Variants in ARHGEF15 observed in about 807,000 individuals in gnomAD.
ARHGEF15 encodes the protein Rho guanine nucleotide exchange factor (GEF) 15.
A neutral mutation model predicts 79.7 loss-of-function variants in ARHGEF15; 58 were observed. The ratio of observed to expected loss-of-function variants is 0.73; its 90% CI spans 0.59 to 0.91. The LOEUF is 0.91. Among genes scored for constraint, ARHGEF15 ranks in the 40% least tolerant of loss-of-function variants. The probability of loss-of-function intolerance (pLI) is 0.00; values close to 1 mark genes in which losing one functional copy is unlikely to be tolerated. For synonymous variants in ARHGEF15, 442 were observed against 456.0 expected, an observed-to-expected ratio of 0.97 and a Z score of 0.39; for missense variants, 1,012 against 1,108.1, an observed-to-expected ratio of 0.91 and a Z score of 1.23.
intron 9 of ARHGEF15, 96 bp downstream of exon 9, chr17:8,316,244 T>C: frequency 2.0e-6 from 3 of 1,476,150 alleles, no homozygotes; most frequent in Non-Finnish European, 2.7e-6. Flanking sequence ...CATGCACTAC[T>C]CCACCTTAAA....
rs772831168 is a variant in ARHGEF15 at position 8,319,047 on chromosome 17, C to A, written c.2074C>A (p.Leu692Met). 1.2e-6 allele frequency: 2 copies of A among 1,614,016 alleles called. No individual in the cohort carries two copies. The highest frequency in any genetic ancestry group is 2.2e-5 in the South Asian group (2 of 91,084). ...GGTTCTGGACTATGCCCATCGCTCCCTGGTCCAGGCCCAGCAGGTTCCGGA... is the reference window on the plus strand; with the variant it reads ...GGTTCTGGACTATGCCCATCGCTCCATGGTCCAGGCCCAGCAGGTTCCGGA... ...LQVLDYAHRS[L>M]VQAQQVPDPS... The change falls in exon 13 of 16, where the codon CTG (leucine) becomes ATG (methionine). Residue 692 changes from leucine to methionine, a missense_variant. Around this residue, in one of 3 missense-constraint regions of ARHGEF15, gnomAD observed 62 missense variants for 101.3 expected, o/e 0.61. Coordinates refer to ENST00000361926, the MANE Select transcript of ARHGEF15 (RefSeq NM_173728.4).
chr17:8,318,717 G>T lies in ARHGEF15; in HGVS notation c.1873-33G>T, dbSNP rs770241353. The stretch of plus-strand genomic sequence containing the variant: ...CCCTGCCCCATGTTGCTGCTGCCAC[G>T]CTAGAACCTCCTCTGCCTCCGCTTC... On this transcript the variant is annotated intron_variant, in intron 11 of 15. Transcript: ENST00000361926. This position sits in a 1 kb window ranked among gnomAD's most constrained non-coding sequence, Gnocchi z 5.0. 2 of 1,610,578 alleles carry T rather than the reference G, an allele frequency of 1.2e-6. No individual in the cohort carries two copies. Among genetic ancestry groups the T allele is most frequent in the Admixed American group, 1.7e-5 (1 of 59,828 alleles).
Position 8,312,917 on chromosome 17 carries a change from C to T in ARHGEF15, c.602-5C>T, listed in dbSNP as rs375330058. 6.4e-7 allele frequency: 1 copy of T among 1,569,962 alleles called. No individual in the cohort carries two copies. Among genetic ancestry groups the T allele is most frequent in the Non-Finnish European group, 8.6e-7 (1 of 1,159,830 alleles). On this transcript the variant is annotated splice_region_variant and splice_polypyrimidine_tract_variant and intron_variant, in intron 2 of 15. Coordinates refer to ENST00000361926, the MANE Select transcript of ARHGEF15 (RefSeq NM_173728.4). Reference sequence around the variant, plus strand: ...CTTTCTCCTTAGGCTACCTGTCTCCCACAGATGCTGGCCTGGCCTGCCCTC... The same window carrying T: ...CTTTCTCCTTAGGCTACCTGTCTCCTACAGATGCTGGCCTGGCCTGCCCTC...
Position 8,313,001 on chromosome 17 carries a change from T to A in ARHGEF15, c.681T>A (p.Pro227=). ...CTGGCCTGGAGCTCAGATGGGTGCC[T>A]GTGGGGGGCTATGAGGAGGTCCCCA... ...TRPGLELRWV[P]VGGYEEVPRV... Residue 227 remains proline (P), a synonymous_variant, in exon 3 of 16, where the codon CCT becomes CCA. Transcript: ENST00000361926. 1.2e-6 allele frequency: 2 copies of A among 1,611,128 alleles called. No individual in the cohort carries two copies. Among genetic ancestry groups the A allele is most frequent in the Non-Finnish European group, 1.7e-6 (2 of 1,178,410 alleles).
In ARHGEF15 at chr17:8,315,905, C is replaced by A; in HGVS notation, c.1572C>A (p.Leu524=). Residue 524 remains leucine, a splice_region_variant and synonymous_variant, in exon 8 of 16, where the codon CTC becomes CTA. Coordinates refer to ENST00000361926, the MANE Select transcript of ARHGEF15 (RefSeq NM_173728.4). The surrounding 1 kb of genome is among the most constrained non-coding windows in gnomAD (Gnocchi z 4.3). ...QQYQEETYSR[L]MDTNVRFSAE... ...ATCAGGAGGAGACCTACAGCCGCCT[C>A]ATGTGAGTGTCCCAGGGGTGGGGAG... 1.2e-6 allele frequency: 2 copies of A among 1,608,788 alleles called. No homozygotes were observed. Among genetic ancestry groups the A allele is most frequent in the Non-Finnish European group, 1.7e-6 (2 of 1,179,930 alleles).
intron 4 of ARHGEF15, 171 bp downstream of exon 4, chr17:8,313,726 T>C: frequency 1.7e-6 from 1 of 600,738 alleles, no homozygotes; most frequent in Non-Finnish European, 2.8e-6. Context: ...CTGGCCCTTA[T>C]CAATTCTGTG....
rs771555022 is a variant in ARHGEF15 at position 8,318,818 on chromosome 17, G to T, written c.1941G>T (p.Arg647=). 4 of 1,613,674 alleles carry T rather than the reference G, an allele frequency of 2.5e-6. No individual in the cohort carries two copies. In the South Asian group the frequency reaches 3.3e-5, roughly 13 times the overall value. ...GAGAGCTGACTGAGTTAGGGTGCCG[G>T]AGGGGGGGCGTGCTCTTTGCCTCGC... ...FQGELTELGC[R]RGGVLFASRP... Residue 647 remains arginine, a synonymous_variant, in exon 12 of 16, where the codon CGG becomes CGT. Coordinates refer to ENST00000361926, the MANE Select transcript of ARHGEF15 (RefSeq NM_173728.4). This position sits in a 1 kb window ranked among gnomAD's most constrained non-coding sequence, Gnocchi z 5.0.
In ARHGEF15 at chr17:8,317,929, C is replaced by T. The variant is rs1340167610; in HGVS notation, c.1705-458C>T. Among the ~76,000 whole-genome samples the T allele has an allele frequency of 5.9e-5, 9 of 151,890 alleles. No individual in the cohort carries two copies. The East Asian group carries it at 9.6e-4, about 16-fold the overall frequency. ...TAAAAATACAAAAAAATTAGTCGGG[C>T]GTGGTGGCACACGTCTGTAATCCCA... On this transcript the variant is annotated intron_variant, in intron 9 of 15. Coordinates refer to ENST00000361926, the MANE Select transcript of ARHGEF15 (RefSeq NM_173728.4).
chr17:8,314,975 C>T lies in ARHGEF15; in HGVS notation c.1048+11C>T. On this transcript the variant is annotated intron_variant, in intron 5 of 15. Transcript: ENST00000361926. ...TGCCCCTGCAGGATGGTGAGGGCCTCTGGACCTGAGGGTCCCTGCTGTGAC... is the reference window on the plus strand; with the variant it reads ...TGCCCCTGCAGGATGGTGAGGGCCTTTGGACCTGAGGGTCCCTGCTGTGAC... The T allele has an allele frequency of 6.2e-7, 1 of 1,614,052 alleles. No homozygotes were observed. Among genetic ancestry groups the T allele is most frequent in the African/African-American group, 1.3e-5 (1 of 75,038 alleles).
In ARHGEF15 at chr17:8,313,530, A is replaced by T; in HGVS notation, c.964A>T (p.Thr322Ser). 1 of 1,610,268 alleles carries T rather than the reference A, an allele frequency of 6.2e-7. No individual in the cohort carries two copies. Among genetic ancestry groups the T allele is most frequent in the Non-Finnish European group, 8.5e-7 (1 of 1,178,776 alleles). Reference protein sequence around the residue: ...GDSPDEAPQNTPPATVEGREE... With the variant: ...GDSPDEAPQNSPPATVEGREE... ...CAGTCCTGATGAAGCTCCTCAGAAT[A>T]CTCCTCCAGCAACTGTGGAGGGGAG... The change falls in exon 4 of 16, where the codon ACT (threonine) becomes TCT (serine). Residue 322 changes from threonine to serine, a missense_variant. By Grantham distance (58) the Thr-to-Ser change is moderately conservative. Transcript: ENST00000361926.
Position 8,318,275 on chromosome 17 carries a change from T to C in ARHGEF15, c.1705-112T>C, listed in dbSNP as rs1000806593. ...TCTGCAGATGGTGAGTGATGAGGTC[T>C]GTCAGCCTTGTTGAAACTGGCTGAA... On this transcript the variant is annotated intron_variant, in intron 9 of 15. Transcript: ENST00000361926. This position sits in a 1 kb window ranked among gnomAD's most constrained non-coding sequence, Gnocchi z 5.0. The C allele has an allele frequency of 7.0e-6, 7 of 1,005,520 alleles. No homozygotes were observed. Among genetic ancestry groups the C allele is most frequent in the Middle Eastern group, 3.3e-4 (1 of 3,030 alleles). The allele number at this position is 1,005,520 out of a possible 1,614,324, so 62.3% of individuals were successfully genotyped here.
In ARHGEF15 at chr17:8,318,822, G is replaced by T. The variant is rs775161160; in HGVS notation, c.1945G>T (p.Gly649Trp). 19 of 1,613,548 alleles carry T rather than the reference G, an allele frequency of 1.2e-5. No homozygotes were observed. The highest frequency in any genetic ancestry group is 6.7e-5 in the East Asian group (3 of 44,884). ...GELTELGCRRGGVLFASRPRF... is the reference protein window; with the variant it reads ...GELTELGCRRWGVLFASRPRF... ...GCTGACTGAGTTAGGGTGCCGGAGG[G>T]GGGGCGTGCTCTTTGCCTCGCGCCC... The change falls in exon 12 of 16, where the codon GGG (glycine) becomes TGG (tryptophan). Residue 649 changes from glycine (G) to tryptophan (W), a missense_variant. By Grantham distance (184) the Gly-to-Trp change is radical. Around this residue, in one of 3 missense-constraint regions of ARHGEF15, gnomAD observed 818 missense variants for 882.5 expected, o/e 0.93. Transcript: ENST00000361926. The surrounding 1 kb of genome is among the most constrained non-coding windows in gnomAD (Gnocchi z 5.0).
rs1195540162 is a variant in ARHGEF15, at chr17:8,314,934, G to T, written c.1018G>T (p.Glu340Ter). Residue 340 changes from glutamate (E) to a stop codon, truncating the protein, a stop_gained, in exon 5 of 16, where the codon GAG becomes TAG. Transcript: ENST00000361926. LOFTEE classifies it high-confidence loss of function. ...AGAGGAGGGGCTAGAGGTGCTGAAG[G>T]AGCAGAATTGGGAGCTGCCCCTGCA... Reference protein sequence around the residue: ...REEEGLEVLKEQNWELPLQDE... With the variant: ...REEEGLEVLK 1 of 1,614,026 alleles carries T rather than the reference G, an allele frequency of 6.2e-7. No individual in the cohort carries two copies. Among genetic ancestry groups the T allele is most frequent in the Admixed American group, 1.7e-5 (1 of 60,008 alleles).
chr17:8,312,775 G>A, intron 2 of ARHGEF15, 135 bp downstream of exon 2: 1 of 1,580,564 alleles, frequency 6.3e-7, no homozygotes. Context: ...TGTATGTCGG[G>A]ATTTGAAGGG....
Position 8,318,819 on chromosome 17 carries a change from AG to A in ARHGEF15, c.1949del (p.Gly650AlafsTer145). ...AGAGCTGACTGAGTTAGGGTGCCGG[AG>A]GGGGGGCGTGCTCTTTGCCTCGCGC... is the stretch of plus-strand genomic sequence containing the variant. ...QGELTELGCR[R>X]GGVLFASRPR... On this transcript the variant is annotated frameshift_variant, in exon 12 of 16. Coordinates refer to ENST00000361926, the MANE Select transcript of ARHGEF15 (RefSeq NM_173728.4). LOFTEE classifies it high-confidence loss of function. The surrounding 1 kb of genome is among the most constrained non-coding windows in gnomAD (Gnocchi z 5.0). The A allele has an allele frequency of 1.2e-6, 2 of 1,613,480 alleles. No individual in the cohort carries two copies.
chr17:8,320,678 T>C (rs1905323065), intron 15 of ARHGEF15, among the ~76,000 whole-genome samples, 164 bp from the exon 16 acceptor site: 1 of 152,142 alleles, frequency 6.6e-6, no homozygotes, highest in South Asian at 2.1e-4. Context: ...TCCGAGCTGC[T>C]GTCACCTCCA....
rs538680982 is a variant in ARHGEF15, at chr17:8,318,629, G to T, written c.1839G>T (p.Arg613=). The part of the protein sequence containing the change: ...GRMKQTEELI[R]LTQRLRFHKV... The stretch of plus-strand genomic sequence containing the variant: ...TGAAGCAGACTGAAGAGCTGATCCG[G>T]CTCACCCAAAGGCTGCGCTTCCACA... The change falls in exon 11 of 16, where the codon CGG becomes CGT. Residue 613 remains arginine (R), a synonymous_variant. Transcript: ENST00000361926. The surrounding 1 kb of genome is among the most constrained non-coding windows in gnomAD (Gnocchi z 5.0). 1 of 1,613,698 alleles carries T rather than the reference G, an allele frequency of 6.2e-7. No individual in the cohort carries two copies. The highest frequency in any genetic ancestry group is 1.3e-5 in the African/African-American group (1 of 75,028).
Position 8,318,557 on chromosome 17 carries a change from T to A in ARHGEF15, c.1780-13T>A. 1 of 1,612,392 alleles carries A rather than the reference T, an allele frequency of 6.2e-7. No individual in the cohort carries two copies. Among genetic ancestry groups the A allele is most frequent in the Non-Finnish European group, 8.5e-7 (1 of 1,178,744 alleles). On this transcript the variant is annotated splice_polypyrimidine_tract_variant and intron_variant, in intron 10 of 15. Coordinates refer to ENST00000361926, the MANE Select transcript of ARHGEF15 (RefSeq NM_173728.4). The surrounding 1 kb of genome is among the most constrained non-coding windows in gnomAD (Gnocchi z 5.0). ...CTGGCCGCTGGGGTGGTGACACAGC[T>A]CCCCTTACCTAGATCATCGAGCGTT...
chr17:8,316,573 T>C (rs1033416947), intron 9 of ARHGEF15, among the ~76,000 whole-genome samples: 1 of 152,200 alleles, frequency 6.6e-6, no homozygotes, highest in Non-Finnish European at 1.5e-5. Context: ...GGGCAAAAAT[T>C]GGTTCTTTGG....
Sources: allele counts gnomAD v4.1 joint callset (sites outside exome capture counted in the v4.1 genomes callset), GRCh38; gene constraint gnomAD v4.1.1; regional missense constraint gnomAD v4.1.1; non-coding constraint Gnocchi (gnomAD v3.1); transcripts MANE v1.5; gene names NCBI Gene and HGNC (gene_info 2026-07-23, HGNC 2026-07-21).